NGFR: variants seen among roughly 807,000 people sequenced by gnomAD.
NGFR encodes the protein tumor necrosis factor receptor superfamily member 16.
Under a neutral mutation model 43.2 loss-of-function variants are expected in NGFR, and 30 were observed. The ratio of observed to expected loss-of-function variants is 0.69; its 90% CI spans 0.52 to 0.94. NGFR has a LOEUF of 0.94. Ranked by LOEUF, NGFR falls within the 40% of genes least tolerant of loss-of-function variation. NGFR has a pLI of 0.00. For missense variants in NGFR, 529 were observed against 602.5 expected (o/e 0.88, Z 1.28); for synonymous variants, 246 against 259.6 (o/e 0.95, Z 0.50).
chr17:49,512,695 G>C lies in NGFR; in HGVS notation c.983-13G>C. 1 of 1,565,230 alleles carries C rather than the reference G, an allele frequency of 6.4e-7. No individual in the cohort carries two copies. Among genetic ancestry groups the C allele is most frequent in the Non-Finnish European group, 8.7e-7 (1 of 1,154,200 alleles). On this transcript the variant is annotated splice_polypyrimidine_tract_variant and intron_variant, in intron 5 of 5. Transcript: ENST00000172229. This position sits in a 1 kb window ranked among gnomAD's most constrained non-coding sequence, Gnocchi z 5.2. ...CAGGGGTAGGACCTGACTCTCCTCTGGTTTCTCTGCAGCCCTCAAGGGTGA... is the reference window on the plus strand; with the variant it reads ...CAGGGGTAGGACCTGACTCTCCTCTCGTTTCTCTGCAGCCCTCAAGGGTGA...
rs1420192979 is a variant in NGFR at position 49,495,344 on chromosome 17, G to T, written c.-74G>T. On this transcript the variant is annotated 5_prime_UTR_variant, in exon 1 of 6. Coordinates refer to ENST00000172229, the MANE Select transcript of NGFR (RefSeq NM_002507.4). This position sits in a 1 kb window ranked among gnomAD's most constrained non-coding sequence, Gnocchi z 6.4. ...CGGCGGGCAGGGGGGGCGCTGGAGC[G>T]CAGCGCAGCGCAGCCCCATCAGTCC... is the stretch of plus-strand genomic sequence containing the variant. 3 of 1,102,400 alleles carry T rather than the reference G, an allele frequency of 2.7e-6. No individual in the cohort carries two copies. Among genetic ancestry groups the T allele is most frequent in the Non-Finnish European group, 3.4e-6 (3 of 890,272 alleles). 68.3% of individuals were successfully genotyped at this position (1,102,400 alleles called of 1,614,324 possible).
At chr17:49,496,909 G>A (rs753601422) in intron 1 of NGFR, 8 of 152,260 alleles carry the variant, frequency 5.3e-5, no homozygotes, top group Non-Finnish European at 1.2e-4. Flanking sequence ...CGAATGCCCT[G>A]GAAGGTCTGG....
At chr17:49,511,816 C>G (rs935434597) in intron 4 of NGFR, 76 bp from the exon 5 acceptor site, 1 of 1,443,508 alleles carries the variant, frequency 6.9e-7, no homozygotes, top group African/African-American at 1.4e-5. Flanking sequence ...CCTCACACGG[C>G]AGAGCACAGA....
rs1270800199 is a variant in NGFR at position 49,512,747 on chromosome 17, C to G, written c.1022C>G (p.Pro341Arg). Residue 341 changes from proline (P) to arginine (R), a missense_variant, in exon 6 of 6, where the codon CCA becomes CGA. Coordinates refer to ENST00000172229, the MANE Select transcript of NGFR (RefSeq NM_002507.4). The surrounding 1 kb of genome is among the most constrained non-coding windows in gnomAD (Gnocchi z 5.2). Reference protein sequence around the residue: ...GDGGLYSSLPPAKREEVEKLL... With the variant: ...GDGGLYSSLPRAKREEVEKLL... ...GGAGGCCTCTACAGCAGCCTGCCCC[C>G]AGCCAAGCGGGAGGAGGTGGAGAAG... 1 of 1,612,238 alleles carries G rather than the reference C, an allele frequency of 6.2e-7. No homozygotes were observed.
chr17:49,509,450 C>G (rs1211130761), intron 3 of NGFR, among the ~76,000 whole-genome samples: 1 of 152,210 alleles, frequency 6.6e-6, no homozygotes, highest in Non-Finnish European at 1.5e-5. Flanking sequence ...GCCCACAACC[C>G]CTAGCACTGC....
chr17:49,505,150 A>G (rs1326617289), intron 2 of NGFR, among the ~76,000 whole-genome samples: 1 of 151,258 alleles, frequency 6.6e-6, no homozygotes, highest in African/African-American at 2.4e-5. Context: ...ACACCCCCGA[A>G]GCCAGTGACC....
rs895491938 is a variant in NGFR, at chr17:49,495,334, G to T, written c.-84G>T. On this transcript the variant is annotated 5_prime_UTR_variant, in exon 1 of 6. Transcript: ENST00000172229. This position sits in a 1 kb window ranked among gnomAD's most constrained non-coding sequence, Gnocchi z 6.4. ...CGGCCAGCTCCGGCGGGCAGGGGGG[G>T]CGCTGGAGCGCAGCGCAGCGCAGCC... 8.2e-6 allele frequency: 9 copies of T among 1,095,468 alleles called. No individual in the cohort carries two copies. Among genetic ancestry groups the T allele is most frequent in the Non-Finnish European group, 1.0e-5 (9 of 864,992 alleles). 67.9% of individuals were successfully genotyped at this position (1,095,468 alleles called of 1,614,324 possible).
chr17:49,502,237 G>A (rs764989544), intron 2 of NGFR, 33 bp downstream of exon 2: 26 of 1,569,202 alleles, frequency 1.7e-5, no homozygotes, highest in Non-Finnish European at 4.3e-6. Context: ...GAGGAGGGGA[G>A]AAGAATGGGA....
chr17:49,510,064 G>A (rs1163063709), intron 3 of NGFR, among the ~76,000 whole-genome samples: 1 of 152,136 alleles, frequency 6.6e-6, no homozygotes, highest in East Asian at 1.9e-4. Context: ...TCAGGAGGTG[G>A]AATAGAATTC....
intron 4 of NGFR, 119 bp from the exon 5 acceptor site, chr17:49,511,773 C>T (rs1166721579): frequency 6.6e-6 from 8 of 1,210,868 alleles, no homozygotes; most frequent in Admixed American, 3.2e-5. Context: ...GGTGGGGTGG[C>T]GGTTATAATT....
At chr17:49,507,184 CCTGTCCTTGA>C (rs2071204921) in intron 3 of NGFR, among the ~76,000 whole-genome samples, 1 of 152,096 alleles carries the variant, frequency 6.6e-6, no homozygotes, top group Admixed American at 6.5e-5. Flanking sequence ...TGGAACCCAC[CCTGTCCTTGA>C]CTGACGTTAG....
At chr17:49,500,282 T>C (rs1020556325) in intron 1 of NGFR, among the ~76,000 whole-genome samples, 1 of 152,184 alleles carries the variant, frequency 6.6e-6, no homozygotes, top group Admixed American at 6.5e-5. Flanking sequence ...CAGTCTGGAA[T>C]CTCGGCTAAC....
chr17:49,501,999 A>ATGGGCCCCCCCCCCCCCC, intron 1 of NGFR, 64 bp from the exon 2 acceptor site: 1 of 330,982 alleles, frequency 3.0e-6, no homozygotes, highest in Admixed American at 3.5e-5. Flanking sequence ...TCCCCGGAAG[A>ATGGGCCCCCCCCCCCCCC]ACCCCCCCCA....
chr17:49,502,242 A>G, intron 2 of NGFR, 38 bp downstream of exon 2: 1 of 1,550,814 alleles, frequency 6.4e-7, no homozygotes, highest in Non-Finnish European at 8.8e-7. Context: ...GGGGAGAAGA[A>G]TGGGAGGGAG....
Position 49,513,575 on chromosome 17 carries a change from A to AC in NGFR, c.*572dup, listed in dbSNP as rs1169016861. On this transcript the variant is annotated 3_prime_UTR_variant, in exon 6 of 6. Transcript: ENST00000172229. ...GGGAGGGGTTTTCGAAGCTCAGCCC[A>AC]CCCCCCTCATTTTGGATATAGGTCA... 1 of 151,742 alleles carries AC rather than the reference A, an allele frequency of 6.6e-6. No individual in the cohort carries two copies. Among genetic ancestry groups the AC allele is most frequent in the Non-Finnish European group, 1.5e-5 (1 of 68,354 alleles). The allele number at this position is 151,742 out of a possible 1,614,324, so 9.4% of individuals were successfully genotyped here. A position where few individuals can be genotyped will look rare whatever the true frequency, so the allele number is the denominator to read the frequency against.
At position 49,513,033 on chromosome 17, in the gene NGFR, C is replaced by T. The variant is rs566673206; in HGVS notation, c.*24C>T. ...GAGCCCAACCGGGGAGCCCCCGCCCCGCCCCACATTCCGACAACCGATGCT... is the reference window on the plus strand; with the variant it reads ...GAGCCCAACCGGGGAGCCCCCGCCCTGCCCCACATTCCGACAACCGATGCT... On this transcript the variant is annotated 3_prime_UTR_variant, in exon 6 of 6. Transcript: ENST00000172229. The T allele has an allele frequency of 2.7e-4, 402 of 1,488,524 alleles. No homozygotes were observed. The highest frequency in any genetic ancestry group is 4.9e-4 in the Middle Eastern group (2 of 4,120). 92.2% of individuals were successfully genotyped at this position (1,488,524 alleles called of 1,614,324 possible). A position where few individuals can be genotyped will look rare whatever the true frequency, so the allele number is the denominator to read the frequency against.
chr17:49,513,007 T>A lies in NGFR; in HGVS notation c.1282T>A (p.Ter428ArgextTer170). 1 of 1,550,870 alleles carries A rather than the reference T, an allele frequency of 6.4e-7. No homozygotes were observed. Among genetic ancestry groups the A allele is most frequent in the African/African-American group, 1.4e-5 (1 of 73,752 alleles). Residue 428 changes from the stop codon to arginine (R), a stop_lost, in exon 6 of 6, where the codon TGA becomes AGA. Transcript: ENST00000172229. ...TGAGTCCACTGCCACATCCCCGGTG[T>A]GAGCCCAACCGGGGAGCCCCCGCCC... ...CSESTATSPV[*>R]
intron 3 of NGFR, 46 bp downstream of exon 3, chr17:49,506,704 G>GGGGGGGGGGGGGGGGGGGC: frequency 1.4e-6 from 1 of 737,234 alleles, no homozygotes; most frequent in Non-Finnish European, 2.0e-6. Flanking sequence ...GCGGGGGTGG[G>GGGGGGGGGGGGGGGGGGGC]CTGGGGGCAT....
At position 49,506,460 on chromosome 17, in the gene NGFR, G is replaced by A. The variant is rs752696643; in HGVS notation, c.370G>A (p.Ala124Thr). ...YQDETTGRCE[A>T]CRVCEAGSGL... ...GGATGAGACGACTGGGCGCTGCGAGGCGTGCCGCGTGTGCGAGGCGGGCTC... is the reference window on the plus strand; with the variant it reads ...GGATGAGACGACTGGGCGCTGCGAGACGTGCCGCGTGTGCGAGGCGGGCTC... The change falls in exon 3 of 6, where the codon GCG (alanine) becomes ACG (threonine). Residue 124 changes from alanine (A) to threonine (T), a missense_variant. Coordinates refer to ENST00000172229, the MANE Select transcript of NGFR (RefSeq NM_002507.4). 22 of 1,609,102 alleles carry A rather than the reference G, an allele frequency of 1.4e-5. No individual in the cohort carries two copies. The highest frequency in any genetic ancestry group is 1.7e-5 in the Non-Finnish European group (20 of 1,179,070).
Sources: allele counts gnomAD v4.1 joint callset (sites outside exome capture counted in the v4.1 genomes callset), GRCh38; gene constraint gnomAD v4.1.1; non-coding constraint Gnocchi (gnomAD v3.1); transcripts MANE v1.5; gene names NCBI Gene and HGNC (gene_info 2026-07-23, HGNC 2026-07-21).